The following LRRC37A2 variants were observed in gnomAD, a reference collection of about 807,000 sequenced individuals.
LRRC37A2 encodes leucine-rich repeat-containing protein 37A2.
Under a neutral mutation model 68.8 loss-of-function variants are expected in LRRC37A2, and 9 were observed. That is an observed-to-expected ratio of 0.13 (90% CI 0.08 to 0.23). LRRC37A2 has a LOEUF of 0.23. LRRC37A2 is among the 10% of genes least tolerant of loss of function. The pLI is 1.00. For synonymous variants in LRRC37A2, 63 were observed against 367.6 expected, an observed-to-expected ratio of 0.17 and a Z score of 9.48; for missense variants, 168 against 950.4, an observed-to-expected ratio of 0.18 and a Z score of 10.82.
the LRRC37A2 span, among the ~76,000 whole-genome samples, chr17:46,736,344 A>C: frequency 6.6e-6 from 1 of 152,152 alleles, no homozygotes; most frequent in Admixed American, 6.5e-5. Flanking sequence ...TTGTGGCTGA[A>C]GTTCCCCTTT....
At chr17:46,873,622 G>T in the LRRC37A2 span, among the ~76,000 whole-genome samples, 3 of 152,170 alleles carry the variant, frequency 2.0e-5, no homozygotes, top group African/African-American at 7.2e-5. Context: ...ACTTTGGGAG[G>T]CCGAAGCGGG....
At chr17:46,794,868 A>G in the LRRC37A2 span, among the ~76,000 whole-genome samples, 2 of 150,972 alleles carry the variant, frequency 1.3e-5, no homozygotes, top group African/African-American at 4.9e-5. Flanking sequence ...CTCGTGCCTC[A>G]GCCTTCCGAG....
the LRRC37A2 span, among the ~76,000 whole-genome samples, chr17:46,808,113 G>A: frequency 1.3e-5 from 2 of 152,198 alleles, no homozygotes; most frequent in Admixed American, 1.3e-4. Context: ...AGGAATCTGA[G>A]AGGTCATTTA....
the LRRC37A2 span, among the ~76,000 whole-genome samples, chr17:46,906,546 C>T: frequency 6.6e-6 from 1 of 152,312 alleles, no homozygotes; most frequent in South Asian, 2.1e-4. Context: ...CCTCAGCCTC[C>T]TGAGTAGCTG....
the LRRC37A2 span, among the ~76,000 whole-genome samples, chr17:46,642,480 C>CT: frequency 1.5e-5 from 2 of 137,270 alleles, no homozygotes; most frequent in Non-Finnish European, 3.0e-5. Context: ...AGGTGGCACT[C>CT]TGACATTTAA....
the LRRC37A2 span, among the ~76,000 whole-genome samples, chr17:46,894,452 T>A: frequency 2.0e-5 from 3 of 152,256 alleles, no homozygotes; most frequent in South Asian, 6.2e-4. Flanking sequence ...GGTCATTAAG[T>A]CCCCCTAAGA....
chr17:46,976,491 G>C, the LRRC37A2 span, among the ~76,000 whole-genome samples: 3 of 152,080 alleles, frequency 2.0e-5, no homozygotes, highest in South Asian at 6.2e-4. Context: ...GGGTTTCAGC[G>C]AGCCAAGATT....
At chr17:46,733,044 G>A in the LRRC37A2 span, among the ~76,000 whole-genome samples, 1 of 152,214 alleles carries the variant, frequency 6.6e-6, no homozygotes, top group Non-Finnish European at 1.5e-5. Context: ...CACCCTCCCT[G>A]AGCTGGACGT....
the LRRC37A2 span, among the ~76,000 whole-genome samples, chr17:46,845,366 A>G: frequency 2.0e-5 from 3 of 151,822 alleles, no homozygotes; most frequent in Non-Finnish European, 4.4e-5. Flanking sequence ...GGAAGTGGTA[A>G]CCAGGGCTGG....
At chr17:46,923,088 G>C in the LRRC37A2 span, 3 of 805,264 alleles carry the variant, frequency 3.7e-6, no homozygotes, top group Non-Finnish European at 6.3e-6. Context: ...CTGGCCGGCA[G>C]GGGAGGGAGG....
At chr17:46,792,386 A>G in the LRRC37A2 span, among the ~76,000 whole-genome samples, 1 of 152,212 alleles carries the variant, frequency 6.6e-6, no homozygotes, top group East Asian at 1.9e-4. Context: ...GAGAGTGGCT[A>G]ATAAGGTAGT....
chr17:46,748,914 T>C, the LRRC37A2 span, among the ~76,000 whole-genome samples: 5 of 152,274 alleles, frequency 3.3e-5, no homozygotes, highest in Admixed American at 2.0e-4. Context: ...ACCACATTTG[T>C]ATAAACATAA....
chr17:46,867,615 G>C, the LRRC37A2 span, among the ~76,000 whole-genome samples: 1 of 152,234 alleles, frequency 6.6e-6, no homozygotes, highest in East Asian at 1.9e-4. Context: ...TCTCCTGGGA[G>C]GCTTTTGCCA....
chr17:46,875,427 G>T, the LRRC37A2 span: 1 of 1,495,196 alleles, frequency 6.7e-7, no homozygotes, highest in Non-Finnish European at 8.9e-7. Context: ...TGGGGAGCAT[G>T]GCTTGAAGGA....
chr17:47,006,095 C>T, the LRRC37A2 span, among the ~76,000 whole-genome samples: 2 of 152,004 alleles, frequency 1.3e-5, no homozygotes, highest in Non-Finnish European at 2.9e-5. Context: ...TTGCTTGAAC[C>T]CGAGAGAAGG....
chr17:46,528,960 T>C, intron 6 of LRRC37A2: 1 of 576,000 alleles, frequency 1.7e-6, no homozygotes, highest in African/African-American at 2.2e-5. Context: ...GACTACCTTC[T>C]TCCATGGAAC....
At chr17:47,012,917 T>C in the LRRC37A2 span, among the ~76,000 whole-genome samples, 2 of 152,204 alleles carry the variant, frequency 1.3e-5, no homozygotes, top group South Asian at 2.1e-4. Flanking sequence ...TGAATGTCCA[T>C]GGCAGCATTA....
the LRRC37A2 span, chr17:46,728,913 A>G: frequency 1.2e-6 from 2 of 1,606,690 alleles, no homozygotes; most frequent in East Asian, 2.2e-5. Flanking sequence ...TTCTCGTTTT[A>G]CTGAAAAAGG....
chr17:46,737,572 C>CGTGTGTGT, the LRRC37A2 span, among the ~76,000 whole-genome samples: 13 of 147,172 alleles, frequency 8.8e-5, no homozygotes, highest in African/African-American at 1.8e-4. Context: ...GGTGTGTGTG[C>CGTGTGTGT]GTGTGTGTGT....
Sources: gnomAD v4.1 joint callset for allele counts (sites outside exome capture counted in the v4.1 genomes callset) on GRCh38, gnomAD v4.1.1 for gene constraint, MANE v1.5 for transcripts, NCBI Gene and HGNC (gene_info 2026-07-23, HGNC 2026-07-21) for gene names.